The following XYLT1 variants were observed in gnomAD, a reference collection of about 807,000 sequenced individuals.
XYLT1 encodes the protein xylosyltransferase 1, also known as beta-D-xylosyltransferase 1.
Under a neutral mutation model 91.3 loss-of-function variants are expected in XYLT1, and 36 were observed. The ratio of observed to expected loss-of-function variants is 0.39; its 90% confidence interval spans 0.30 to 0.52. The LOEUF is 0.52. XYLT1 is among the 20% of genes least tolerant of loss of function. XYLT1 has a pLI of 0.68. For missense variants in XYLT1, 1,242 were observed against 1,284.5 expected, an observed-to-expected ratio of 0.97 and a Z score of 0.51; for synonymous variants, 588 against 532.0, an observed-to-expected ratio of 1.11 and a Z score of -1.45.
intron 11 of XYLT1, among the ~76,000 whole-genome samples, chr16:17,111,650 G>C (rs949160148): frequency 6.6e-6 from 1 of 152,232 alleles, no homozygotes; most frequent in Admixed American, 6.5e-5. Flanking sequence ...AAAGCAGTGA[G>C]AATAGTAGAT....
intron 2 of XYLT1, among the ~76,000 whole-genome samples, chr16:17,280,210 G>T (rs2034036941): frequency 6.6e-6 from 1 of 152,152 alleles, no homozygotes; most frequent in Non-Finnish European, 1.5e-5. Flanking sequence ...AATTATCCAG[G>T]CATGGCGGCA....
At chr16:17,271,539 C>G (rs186934062) in intron 2 of XYLT1, among the ~76,000 whole-genome samples, 2 of 152,300 alleles carry the variant, frequency 1.3e-5, no homozygotes, top group Admixed American at 1.3e-4. Context: ...TTCTGCGTAC[C>G]TCTCAGGCAG....
intron 3 of XYLT1, among the ~76,000 whole-genome samples, chr16:17,233,774 T>C (rs528459288): frequency 6.6e-6 from 1 of 152,312 alleles, no homozygotes; most frequent in African/African-American, 2.4e-5. Flanking sequence ...TGGAGCTAAG[T>C]GAGTGGCAGC....
At chr16:17,421,498 G>A (rs1485676712) in intron 1 of XYLT1, among the ~76,000 whole-genome samples, 1 of 152,092 alleles carries the variant, frequency 6.6e-6, no homozygotes, top group African/African-American at 2.4e-5. Context: ...TTAACTTTAT[G>A]GCAGCTTCCA....
chr16:17,367,355 C>A (rs1567395512), intron 1 of XYLT1, among the ~76,000 whole-genome samples: 1 of 152,226 alleles, frequency 6.6e-6, no homozygotes, highest in Non-Finnish European at 1.5e-5. Flanking sequence ...GGTGGCCACC[C>A]AGGCTGTGTT....
intron 5 of XYLT1, among the ~76,000 whole-genome samples, chr16:17,183,640 T>G (rs1227883003): frequency 6.6e-6 from 1 of 152,192 alleles, no homozygotes; most frequent in Non-Finnish European, 1.5e-5. Context: ...AGATAATGCA[T>G]GGAAATCACT....
At chr16:17,153,313 A>T (rs2031327281) in intron 6 of XYLT1, among the ~76,000 whole-genome samples, 1 of 152,230 alleles carries the variant, frequency 6.6e-6, no homozygotes. Flanking sequence ...GTGAGTGGGT[A>T]TTAGAGTTGG....
chr16:17,386,520 A>T (rs2035749497), intron 1 of XYLT1, among the ~76,000 whole-genome samples: 1 of 152,210 alleles, frequency 6.6e-6, no homozygotes, highest in Non-Finnish European at 1.5e-5. Flanking sequence ...GGAACTTGGA[A>T]CAAAAGCTTT....
chr16:17,259,091 A>G lies in XYLT1; in HGVS notation c.810T>C (p.Arg270=). The G allele has an allele frequency of 1.3e-6, 2 of 1,550,190 alleles. No homozygotes were observed. Among genetic ancestry groups the G allele is most frequent in the Non-Finnish European group, 1.7e-6 (2 of 1,149,528 alleles). Residue 270 remains arginine (R), a synonymous_variant, in exon 3 of 12, where the codon CGT becomes CGC. Transcript: ENST00000261381. The part of the protein sequence containing the change: ...SGKEAISALS[R]AKSKHCRQEI... The stretch of plus-strand genomic sequence containing the variant: ...CCTGGCGGCAGTGCTTGGACTTAGC[A>G]CGGGACAGGGCAGAGATGGCCTCCT...
At chr16:17,334,318 G>A (rs1396887406) in intron 2 of XYLT1, among the ~76,000 whole-genome samples, 4 of 152,132 alleles carry the variant, frequency 2.6e-5, no homozygotes, top group African/African-American at 4.8e-5. Context: ...TGACAAACTG[G>A]TCTTGGGCTT....
rs1012242283 is a variant in XYLT1 at position 17,108,619 on chromosome 16, C to T, written c.*76G>A. The T allele has an allele frequency of 2.8e-5, 39 of 1,402,232 alleles. No individual in the cohort carries two copies. Among genetic ancestry groups the T allele is most frequent in the Middle Eastern group, 2.6e-4 (1 of 3,862 alleles). 86.9% of individuals were successfully genotyped at this position (1,402,232 alleles called of 1,614,324 possible). A position where few individuals can be genotyped will look rare whatever the true frequency, so the allele number is the denominator to read the frequency against. On this transcript the variant is annotated 3_prime_UTR_variant, in exon 12 of 12. Transcript: ENST00000261381. ...GAGGGCCTCCCCCAGGGTGGGAGGC[C>T]GGGGTTCAGGCCCCACAACCCCTCT... is the stretch of plus-strand genomic sequence containing the variant.
At chr16:17,145,536 T>C (rs937387596) in intron 6 of XYLT1, among the ~76,000 whole-genome samples, 1 of 152,162 alleles carries the variant, frequency 6.6e-6, no homozygotes, top group Admixed American at 6.5e-5. Flanking sequence ...ACCATGAATA[T>C]AGAGGTTGTC....
intron 5 of XYLT1, among the ~76,000 whole-genome samples, chr16:17,191,274 T>C (rs2032304209): frequency 6.6e-6 from 1 of 152,236 alleles, no homozygotes; most frequent in Non-Finnish European, 1.5e-5. Flanking sequence ...TGCTGTGCGG[T>C]CTTAACTACA....
chr16:17,290,763 A>G (rs1324201703), intron 2 of XYLT1, among the ~76,000 whole-genome samples: 3 of 152,228 alleles, frequency 2.0e-5, no homozygotes, highest in Admixed American at 2.0e-4. Context: ...ATTCACAGCC[A>G]GCTCATCTGA....
At chr16:17,214,612 T>C (rs1323975631) in intron 3 of XYLT1, among the ~76,000 whole-genome samples, 2 of 152,152 alleles carry the variant, frequency 1.3e-5, no homozygotes, top group Non-Finnish European at 2.9e-5. Flanking sequence ...GTCTATGATA[T>C]GCCAGGCAGG....
In XYLT1 at chr16:17,117,860, G is replaced by T. The variant is rs750040372; in HGVS notation, c.2343C>A (p.Thr781=). 1 of 1,614,048 alleles carries T rather than the reference G, an allele frequency of 6.2e-7. No individual in the cohort carries two copies. Among genetic ancestry groups the T allele is most frequent in the East Asian group, 2.2e-5 (1 of 44,872 alleles). ...CATTGACGGGATCCACCCAAATGAC[G>T]GTCACGGTCACATTAGGTCCCTTCC... ...KWGKGPNVTV[T]VIWVDPVNVI... The change falls in exon 11 of 12, where the codon ACC becomes ACA. Residue 781 remains threonine, a synonymous_variant. Transcript: ENST00000261381.
intron 1 of XYLT1, among the ~76,000 whole-genome samples, chr16:17,416,799 C>G (rs1177172452): frequency 1.3e-5 from 2 of 152,158 alleles, no homozygotes; most frequent in Non-Finnish European, 2.9e-5. Context: ...TCTCTTTGAA[C>G]AAGGAAGTGA....
chr16:17,366,061 C>CTTTTTTTT (rs11398471), intron 1 of XYLT1, among the ~76,000 whole-genome samples: 2 of 128,674 alleles, frequency 1.6e-5, no homozygotes, highest in African/African-American at 5.8e-5. Context: ...AGCTGGTTTG[C>CTTTTTTTT]TTTTTTTTTT....
rs2029892608 is a variant in XYLT1 at position 17,117,801 on chromosome 16, G to C, written c.2402C>G (p.Ser801Cys). ...IAATYDILIE[S>C]TAEFTHYKPP... ...CTTGTAGTGTGTGAATTCGGCAGTG[G>C]ACTCAATGAGGATGTCGTAGGTGGC... Residue 801 changes from serine to cysteine, a missense_variant, in exon 11 of 12, where the codon TCC (serine) becomes TGC (cysteine). This residue lies in a region of XYLT1 where 511 missense variants were observed against 497.0 expected (regional missense o/e 1.03). Coordinates refer to ENST00000261381, the MANE Select transcript of XYLT1 (RefSeq NM_022166.4). 6.2e-7 allele frequency: 1 copy of C among 1,614,038 alleles called. No individual in the cohort carries two copies. Among genetic ancestry groups the C allele is most frequent in the Non-Finnish European group, 8.5e-7 (1 of 1,180,028 alleles).
Sources: allele counts gnomAD v4.1 joint callset (sites outside exome capture counted in the v4.1 genomes callset), GRCh38; gene constraint gnomAD v4.1.1; regional missense constraint gnomAD v4.1.1; transcripts MANE v1.5; gene names NCBI Gene and HGNC (gene_info 2026-07-23, HGNC 2026-07-21).